Variants in ANKRD12 observed in about 807,000 individuals in gnomAD.
ANKRD12 encodes the protein ankyrin repeat domain 12, also known as ankyrin repeat domain-containing protein 12.
Under a neutral mutation model 183.4 loss-of-function variants are expected in ANKRD12, and 85 were observed. That is an observed-to-expected ratio of 0.46 (90% CI 0.39 to 0.56). The LOEUF is 0.56. Among genes scored for constraint, ANKRD12 ranks in the 20% least tolerant of loss-of-function variants. ANKRD12 has a pLI of 0.00. For missense variants in ANKRD12, 2,405 were observed against 2,357.1 expected, an observed-to-expected ratio of 1.02 and a Z score of -0.42; for synonymous variants, 914 against 800.2, an observed-to-expected ratio of 1.14 and a Z score of -2.40.
At chr18:9,216,158 T>C (rs2036092559) in intron 6 of ANKRD12, among the ~76,000 whole-genome samples, 1 of 151,970 alleles carries the variant, frequency 6.6e-6, no homozygotes, top group Admixed American at 6.6e-5. Context: ...AAATTTACAA[T>C]GTATTTTTGT....
chr18:9,195,766 C>T, intron 3 of ANKRD12, 68 bp downstream of exon 3: 1 of 1,435,256 alleles, frequency 7.0e-7, no homozygotes, highest in Admixed American at 2.0e-5. Flanking sequence ...GTTTCTTGTA[C>T]ACCACTCCTC....
At chr18:9,151,632 T>C (rs2143581928) in intron 1 of ANKRD12, among the ~76,000 whole-genome samples, 1 of 152,312 alleles carries the variant, frequency 6.6e-6, no homozygotes, top group South Asian at 2.1e-4. Flanking sequence ...TTCAAAATTG[T>C]GTACTGTGAT....
chr18:9,200,412 G>A (rs1178061181), intron 3 of ANKRD12: 8 of 152,122 alleles, frequency 5.3e-5, no homozygotes, highest in Non-Finnish European at 8.8e-5. Context: ...TGAACCTATG[G>A]AAGCAAAAAG....
intron 8 of ANKRD12, among the ~76,000 whole-genome samples, chr18:9,242,662 G>T (rs2037731842): frequency 6.6e-6 from 1 of 152,082 alleles, no homozygotes; most frequent in Non-Finnish European, 1.5e-5. Context: ...AAAAATTCTT[G>T]ATTGATTATA....
rs778006043 is a variant in ANKRD12, at chr18:9,257,226, C to G, written c.3959C>G (p.Thr1320Ser). ...CSMPSVICEHTKQFQTISEES... is the reference protein window; with the variant it reads ...CSMPSVICEHSKQFQTISEES... ...ATGCCTTCTGTCATTTGTGAACATA[C>G]CAAACAATTCCAAACAATATCAGAA... The change falls in exon 9 of 13, where the codon ACC becomes AGC. Residue 1320 changes from threonine to serine, a missense_variant. By Grantham distance (58) the Thr-to-Ser change is moderately conservative. Around this residue, in one of 7 missense-constraint regions of ANKRD12, gnomAD observed 1,983 missense variants for 1,725.9 expected, o/e 1.15. Transcript: ENST00000262126. 3 of 1,614,110 alleles carry G rather than the reference C, an allele frequency of 1.9e-6. No individual in the cohort carries two copies. The African/African-American group carries it at 4.0e-5, about 22-fold the overall frequency.
Position 9,254,820 on chromosome 18 carries a change from A to T in ANKRD12, c.1553A>T (p.Glu518Val), listed in dbSNP as rs2038503381. 3 of 1,487,416 alleles carry T rather than the reference A, an allele frequency of 2.0e-6. No homozygotes were observed. Among genetic ancestry groups the T allele is most frequent in the East Asian group, 4.7e-5 (2 of 42,182 alleles). 92.1% of individuals were successfully genotyped at this position (1,487,416 alleles called of 1,614,324 possible). Residue 518 changes from glutamate (E) to valine (V), a missense_variant, in exon 9 of 13, where the codon GAG (glutamate) becomes GTG (valine). By Grantham distance (121) the Glu-to-Val change is moderately radical. Transcript: ENST00000262126. ...GATTGTTCAGAAAAGACCAGAGAGG[A>T]GGGGAACTTTAGGAAATCTTTTAGC... Reference protein sequence around the residue: ...GLDCSEKTREEGNFRKSFSPK... With the variant: ...GLDCSEKTREVGNFRKSFSPK...
chr18:9,195,664 C>T lies in ANKRD12; in HGVS notation c.201C>T (p.Ser67=), dbSNP rs1228548170. The T allele has an allele frequency of 1.9e-6, 3 of 1,611,902 alleles. No individual in the cohort carries two copies. The highest frequency in any genetic ancestry group is 1.1e-5 in the South Asian group (1 of 90,908). Residue 67 remains serine (S), a synonymous_variant, in exon 3 of 13, where the codon AGC becomes AGT. Transcript: ENST00000262126. ...AACGTAAACTTCCTTTTACTATTAG[C>T]CCATCAAGAAATGAAGAACGAGATT... ...SMKRKLPFTI[S]PSRNEERDSD...
intron 10 of ANKRD12, among the ~76,000 whole-genome samples, chr18:9,266,549 T>C (rs1184523769): frequency 1.3e-5 from 2 of 152,128 alleles, no homozygotes; most frequent in African/African-American, 2.4e-5. Flanking sequence ...TAAAATACTT[T>C]ACAGACAAGC....
rs1483989881 is a variant in ANKRD12, at chr18:9,256,527, AAG to A, written c.3262_3263del (p.Asp1088ProfsTer11). ...AGTTTTGAACGAATGCTAAGCCTTA[AAG>A]ACCTAGAAATAGAACAGTGGCACAA... is the stretch of plus-strand genomic sequence containing the variant. On this transcript the variant is annotated frameshift_variant, in exon 9 of 13. Coordinates refer to ENST00000262126, the MANE Select transcript of ANKRD12 (RefSeq NM_015208.5). LOFTEE classifies it high-confidence loss of function. 6.2e-7 allele frequency: 1 copy of A among 1,606,970 alleles called. No individual in the cohort carries two copies. Among genetic ancestry groups the A allele is most frequent in the Admixed American group, 1.7e-5 (1 of 58,428 alleles).
At chr18:9,241,399 T>G (rs1390269147) in intron 8 of ANKRD12, among the ~76,000 whole-genome samples, 6 of 152,178 alleles carry the variant, frequency 3.9e-5, no homozygotes, top group African/African-American at 1.4e-4. Flanking sequence ...AGTGTATTTA[T>G]TAGATAATAG....
chr18:9,284,151 G>A lies in ANKRD12; in HGVS notation c.*3025G>A, dbSNP rs183108744. The A allele has an allele frequency of 1.9e-4, 29 of 152,290 alleles. No homozygotes were observed. The highest frequency in any genetic ancestry group is 1.8e-3 in the Admixed American group (28 of 15,298). The allele number at this position is 152,290 out of a possible 1,614,324, so 9.4% of individuals were successfully genotyped here. On this transcript the variant is annotated 3_prime_UTR_variant, in exon 13 of 13. Coordinates refer to ENST00000262126, the MANE Select transcript of ANKRD12 (RefSeq NM_015208.5). ...AAGTGAGCACATGCTGTTGGAAAAA[G>A]AGCACCAATAGACTTGCTTGAAGCA...
chr18:9,254,650 A>G lies in ANKRD12; in HGVS notation c.1383A>G (p.Val461=), dbSNP rs1465692186. Residue 461 remains valine, a synonymous_variant, in exon 9 of 13, where the codon GTA becomes GTG. Transcript: ENST00000262126. ...ATATGCAAACCAAAAAGGAATATGT[A>G]GTTTCAGGTGAACACAAACAGAAAG... ...NSDMQTKKEY[V]VSGEHKQKGK... 1.3e-6 allele frequency: 2 copies of G among 1,566,192 alleles called. No homozygotes were observed. The highest frequency in any genetic ancestry group is 1.7e-6 in the Non-Finnish European group (2 of 1,159,800).
intron 8 of ANKRD12, among the ~76,000 whole-genome samples, chr18:9,246,670 T>C (rs576692686): frequency 4.5e-4 from 68 of 152,250 alleles, no homozygotes; most frequent in Admixed American, 1.0e-3. Context: ...ACGTATGTGC[T>C]TTATTGAATT....
chr18:9,206,857 A>G (rs537463301), intron 4 of ANKRD12, among the ~76,000 whole-genome samples: 1 of 151,512 alleles, frequency 6.6e-6, no homozygotes, highest in Non-Finnish European at 1.5e-5. Flanking sequence ...CAGTCAAAAC[A>G]AAAAAGGCAG....
Position 9,279,569 on chromosome 18 carries a change from T to C in ANKRD12, c.5928T>C (p.Ser1976=), listed in dbSNP as rs772307993. The C allele has an allele frequency of 6.2e-7, 1 of 1,601,030 alleles. No homozygotes were observed. Among genetic ancestry groups the C allele is most frequent in the South Asian group, 1.1e-5 (1 of 87,698 alleles). Residue 1976 remains serine, a synonymous_variant, in exon 12 of 13, where the codon TCT becomes TCC. Transcript: ENST00000262126. Reference sequence around the variant, plus strand: ...TTTAGTCTGATGACAGTAAAACTTCTGTGAGGGATCGCTTTAATGCAAGAC... The same window carrying C: ...TTTAGTCTGATGACAGTAAAACTTCCGTGAGGGATCGCTTTAATGCAAGAC... The part of the protein sequence containing the change: ...LDSQSDDSKT[S]VRDRFNARQF...
chr18:9,229,827 T>A (rs2036939142), intron 8 of ANKRD12, among the ~76,000 whole-genome samples: 1 of 152,202 alleles, frequency 6.6e-6, no homozygotes, highest in Non-Finnish European at 1.5e-5. Flanking sequence ...TTCCATTTGA[T>A]CATGTTGTAT....
chr18:9,191,125 ATTAC>A (rs2034428906), intron 2 of ANKRD12, among the ~76,000 whole-genome samples: 1 of 152,212 alleles, frequency 6.6e-6, no homozygotes. Context: ...TGCTTTCATT[ATTAC>A]GTGTGATGGC....
chr18:9,229,647 T>C (rs2036929021), intron 8 of ANKRD12, among the ~76,000 whole-genome samples: 1 of 152,222 alleles, frequency 6.6e-6, no homozygotes, highest in African/African-American at 2.4e-5. Context: ...ATTTTTGTAT[T>C]TTGACTTTGT....
intron 1 of ANKRD12, among the ~76,000 whole-genome samples, chr18:9,137,339 C>G: frequency 6.8e-6 from 1 of 146,642 alleles, no homozygotes; most frequent in East Asian, 2.0e-4. Context: ...GCGAGCTGGC[C>G]TCGTCGCGGG....
Sources: gnomAD v4.1 joint callset for allele counts (sites outside exome capture counted in the v4.1 genomes callset) on GRCh38, gnomAD v4.1.1 for gene constraint, gnomAD v4.1.1 regional missense constraint, MANE v1.5 for transcripts, NCBI Gene and HGNC (gene_info 2026-07-23, HGNC 2026-07-21) for gene names.